KRI1: variants seen among roughly 807,000 people sequenced by gnomAD.
The protein encoded by KRI1 is KRI1 homolog, also known as protein KRI1 homolog.
In KRI1, 83 loss-of-function variants were observed where a neutral mutation model predicts 97.0. The observed-to-expected ratio is 0.86, with a 90% confidence interval of 0.72 to 1.03. The LOEUF (loss-of-function observed/expected upper bound fraction) is 1.03. KRI1 is among the 50% of genes least tolerant of loss of function. KRI1 has a pLI of 0.00. For missense variants in KRI1, 916 were observed against 928.4 expected (o/e 0.99, Z 0.17); for synonymous variants, 371 against 363.5 (o/e 1.02, Z -0.23).
intron 5 of KRI1, 37 bp from the exon 6 acceptor site, chr19:10,561,753 GC>G (rs1568423644): frequency 6.2e-7 from 1 of 1,613,932 alleles, no homozygotes; most frequent in South Asian, 1.1e-5. Flanking sequence ...CCAGCCCCAG[GC>G]CCCTCAGCCC....
intron 2 of KRI1, 39 bp from the exon 3 acceptor site, chr19:10,565,073 G>C (rs758817980): frequency 1.5e-6 from 2 of 1,304,474 alleles, no homozygotes; most frequent in East Asian, 2.3e-5. Context: ...TTTCAGAAGG[G>C]AGATAATAAG....
rs1224260714 is a variant in KRI1, at chr19:10,557,844, G to T, written c.1411C>A (p.Pro471Thr). Residue 471 changes from proline (P) to threonine (T), a missense_variant, in exon 15 of 19, where the codon CCC (proline) becomes ACC (threonine). Pro to Thr is a conservative substitution (Grantham distance 38). This residue lies in a region of KRI1 where 672 missense variants were observed against 667.2 expected (regional missense o/e 1.01). Coordinates refer to ENST00000312962, the MANE Select transcript of KRI1 (RefSeq NM_023008.5). ...SQPRKKKREA[P>T]LTGKKKRKSP... ...TTGCGCTTCTTCTTGCCCGTCAAGG[G>T]GGCCTCGCGCTTTTTCTTCCTCGGC... 5 of 1,613,400 alleles carry T rather than the reference G, an allele frequency of 3.1e-6. No homozygotes were observed. In the Admixed American group the frequency reaches 8.3e-5, roughly 27 times the overall value.
Position 10,553,283 on chromosome 19 carries a change from A to G in KRI1, c.*668T>C, listed in dbSNP as rs1044308071. On this transcript the variant is annotated 3_prime_UTR_variant, in exon 19 of 19. Transcript: ENST00000312962. ...GCGGGGCCCTCCTGGCAGGGTAGGG[A>G]AGGAGGACCCCGGGCACCCCCCTCA... 1.2e-5 allele frequency: 7 copies of G among 591,772 alleles called. No individual in the cohort carries two copies. Among genetic ancestry groups the G allele is most frequent in the African/African-American group, 9.2e-5 (5 of 54,072 alleles). The allele number at this position is 591,772 out of a possible 1,614,324, so 36.7% of individuals were successfully genotyped here. A position where few individuals can be genotyped will look rare whatever the true frequency, so the allele number is the denominator to read the frequency against.
chr19:10,562,881 T>C (rs1360919906), intron 3 of KRI1, 44 bp from the exon 4 acceptor site: 1 of 1,245,262 alleles, frequency 8.0e-7, no homozygotes. Flanking sequence ...ACAACCCCCT[T>C]CTTTGCCGTG....
Position 10,553,442 on chromosome 19 carries a change from G to C in KRI1, c.*509C>G, listed in dbSNP as rs968766194. On this transcript the variant is annotated 3_prime_UTR_variant, in exon 19 of 19. Coordinates refer to ENST00000312962, the MANE Select transcript of KRI1 (RefSeq NM_023008.5). ...GATCGTGGGTGTGGCTGGGCGCAGCGTTCTGAGGGGATGTGGGGTCTGGGA... is the reference window on the plus strand; with the variant it reads ...GATCGTGGGTGTGGCTGGGCGCAGCCTTCTGAGGGGATGTGGGGTCTGGGA... The C allele has an allele frequency of 9.4e-6, 2 of 212,674 alleles. No individual in the cohort carries two copies. Among genetic ancestry groups the C allele is most frequent in the African/African-American group, 4.6e-5 (2 of 43,752 alleles). 13.2% of individuals were successfully genotyped at this position (212,674 alleles called of 1,614,324 possible).
rs996180477 is a variant in KRI1, at chr19:10,553,452, G to C, written c.*499C>G. 1 of 205,858 alleles carries C rather than the reference G, an allele frequency of 4.9e-6. No individual in the cohort carries two copies. Among genetic ancestry groups the C allele is most frequent in the Non-Finnish European group, 9.8e-6 (1 of 102,110 alleles). The allele number at this position is 205,858 out of a possible 1,614,324, so 12.8% of individuals were successfully genotyped here. A position where few individuals can be genotyped will look rare whatever the true frequency, so the allele number is the denominator to read the frequency against. On this transcript the variant is annotated 3_prime_UTR_variant, in exon 19 of 19. Transcript: ENST00000312962. ...GTGGCTGGGCGCAGCGTTCTGAGGG[G>C]ATGTGGGGTCTGGGAGGTGTCTCGA...
At position 10,553,165 on chromosome 19, in the gene KRI1, C is replaced by T; in HGVS notation, c.*786G>A. The T allele has an allele frequency of 1.4e-6, 2 of 1,399,650 alleles. No homozygotes were observed. The highest frequency in any genetic ancestry group is 9.5e-7 in the Non-Finnish European group (1 of 1,054,550). The allele number at this position is 1,399,650 out of a possible 1,614,324, so 86.7% of individuals were successfully genotyped here. On this transcript the variant is annotated 3_prime_UTR_variant, in exon 19 of 19. Coordinates refer to ENST00000312962, the MANE Select transcript of KRI1 (RefSeq NM_023008.5). ...AGCTCTGGCAGTGATGATGGTACTT[C>T]CTGTTGTCAGCCCCTCAAGCCCAGC...
chr19:10,561,526 C>T, intron 6 of KRI1, 141 bp downstream of exon 6: 2 of 908,676 alleles, frequency 2.2e-6, no homozygotes, highest in Non-Finnish European at 3.6e-6. Flanking sequence ...CAGAGCAGTG[C>T]TGTGATGTTA....
In KRI1 at chr19:10,560,307, C is replaced by A; in HGVS notation, c.800+5G>T. The A allele has an allele frequency of 6.2e-7, 1 of 1,600,326 alleles. No individual in the cohort carries two copies. The highest frequency in any genetic ancestry group is 1.7e-5 in the Admixed American group (1 of 58,582). ...TCTAGGTCCTGGGGAGATGCAGTGG[C>A]TCACCCCTCCTCTTCCTCCATTTCC... is the stretch of plus-strand genomic sequence containing the variant. On this transcript the variant is annotated splice_donor_5th_base_variant and intron_variant, in intron 9 of 18. Coordinates refer to ENST00000312962, the MANE Select transcript of KRI1 (RefSeq NM_023008.5).
At chr19:10,554,416 G>T in intron 18 of KRI1, 135 bp from the exon 19 acceptor site, 1 of 736,066 alleles carries the variant, frequency 1.4e-6, no homozygotes. Context: ...GGCCTGCCTG[G>T]GATTCAGACC....
chr19:10,557,518 C>T, intron 16 of KRI1, 34 bp downstream of exon 16: 1 of 1,604,710 alleles, frequency 6.2e-7, no homozygotes. Flanking sequence ...ACCTGGTGCC[C>T]CCTGCAGTGT....
At position 10,557,557 on chromosome 19, in the gene KRI1, C is replaced by G. The variant is rs1916539968; in HGVS notation, c.1612G>C (p.Glu538Gln). The G allele has an allele frequency of 6.2e-7, 1 of 1,613,664 alleles. No homozygotes were observed. Among genetic ancestry groups the G allele is most frequent in the Admixed American group, 1.7e-5 (1 of 59,994 alleles). Residue 538 changes from glutamate (E) to glutamine (Q), a missense_variant, in exon 16 of 19, where the codon GAG (glutamate) becomes CAG (glutamine). By Grantham distance (29) the Glu-to-Gln change is conservative. Around this residue, in one of 3 missense-constraint regions of KRI1, gnomAD observed 672 missense variants for 667.2 expected, o/e 1.01. Coordinates refer to ENST00000312962, the MANE Select transcript of KRI1 (RefSeq NM_023008.5). Reference sequence around the variant, plus strand: ...TGCCTGCCCGGGGCCCCTACCTCCTCAGTGCTGAGGCCAAAGTCACAGGGC... The same window carrying G: ...TGCCTGCCCGGGGCCCCTACCTCCTGAGTGCTGAGGCCAAAGTCACAGGGC... The part of the protein sequence containing the change: ...VVPCDFGLST[E>Q]EILAADDKEL...
In KRI1 at chr19:10,557,836, C is replaced by T. The variant is rs1303572797; in HGVS notation, c.1419G>A (p.Thr473=). ...PRKKKREAPL[T]GKKKRKSPFA... ...AGGGCGACTTGCGCTTCTTCTTGCC[C>T]GTCAAGGGGGCCTCGCGCTTTTTCT... Residue 473 remains threonine (T), a synonymous_variant, in exon 15 of 19, where the codon ACG becomes ACA. Transcript: ENST00000312962. The T allele has an allele frequency of 3.7e-6, 6 of 1,613,428 alleles. No homozygotes were observed. Among genetic ancestry groups the T allele is most frequent in the Non-Finnish European group, 5.1e-6 (6 of 1,179,976 alleles).
At chr19:10,555,912 T>C (rs1164531214) in intron 16 of KRI1, among the ~76,000 whole-genome samples, 1 of 152,208 alleles carries the variant, frequency 6.6e-6, no homozygotes, top group Non-Finnish European at 1.5e-5. Flanking sequence ...TGGTCTCATT[T>C]CTGTTCCTTC....
chr19:10,558,838 A>T (rs1916602327), intron 12 of KRI1, among the ~76,000 whole-genome samples: 1 of 147,966 alleles, frequency 6.8e-6, no homozygotes, highest in Non-Finnish European at 1.5e-5. Context: ...CCGAGTAGCT[A>T]GGATTAGAGG....
Position 10,553,165 on chromosome 19 carries a change from C to A in KRI1, c.*786G>T. On this transcript the variant is annotated 3_prime_UTR_variant, in exon 19 of 19. Transcript: ENST00000312962. ...AGCTCTGGCAGTGATGATGGTACTT[C>A]CTGTTGTCAGCCCCTCAAGCCCAGC... The A allele has an allele frequency of 7.1e-7, 1 of 1,399,650 alleles. No individual in the cohort carries two copies. The highest frequency in any genetic ancestry group is 1.4e-5 in the South Asian group (1 of 70,796). The allele number at this position is 1,399,650 out of a possible 1,614,324, so 86.7% of individuals were successfully genotyped here.
chr19:10,559,345 G>A lies in KRI1; in HGVS notation c.1194+14C>T, dbSNP rs1431935436. On this transcript the variant is annotated intron_variant, in intron 12 of 18. Transcript: ENST00000312962. The stretch of plus-strand genomic sequence containing the variant: ...TGAACTCAGCGTCATGTTGGGCCGG[G>A]ATGAGGGCCGCACCTGCATGAGCTG... 2.5e-6 allele frequency: 4 copies of A among 1,609,800 alleles called. No individual in the cohort carries two copies. Among genetic ancestry groups the A allele is most frequent in the Non-Finnish European group, 3.4e-6 (4 of 1,177,002 alleles).
In KRI1 at chr19:10,554,231, C is replaced by G. The variant is rs952887902; in HGVS notation, c.1832G>C (p.Gly611Ala). 8 of 1,613,926 alleles carry G rather than the reference C, an allele frequency of 5.0e-6. No homozygotes were observed. In the African/African-American group the frequency reaches 9.3e-5, roughly 19 times the overall value. ...AAGGGCTGGCAGCTGCCTCTGTGGG[C>G]CGGCTTCATCTCTCTGTGGCTTCCC... ...ATGKPQRDEA[G>A]PQRQLPALDG... is the part of the protein sequence containing the mutation. The change falls in exon 19 of 19, where the codon GGC becomes GCC. Residue 611 changes from glycine to alanine, a missense_variant. By Grantham distance (60) the Gly-to-Ala change is moderately conservative. Coordinates refer to ENST00000312962, the MANE Select transcript of KRI1 (RefSeq NM_023008.5).
rs376447576 is a variant in KRI1 at position 10,558,249 on chromosome 19, C to G, written c.1195-10G>C. On this transcript the variant is annotated splice_polypyrimidine_tract_variant and intron_variant, in intron 12 of 18. Coordinates refer to ENST00000312962, the MANE Select transcript of KRI1 (RefSeq NM_023008.5). ...CGTCCCCAAAGCACTTCTGCAGGGT[C>G]AGGGCTGGCGGTTACCAGAGCCCAC... The G allele has an allele frequency of 1.9e-6, 3 of 1,613,862 alleles. No individual in the cohort carries two copies. The South Asian group carries it at 3.3e-5, about 18-fold the overall frequency.
Sources: allele counts gnomAD v4.1 joint callset (sites outside exome capture counted in the v4.1 genomes callset), GRCh38; gene constraint gnomAD v4.1.1; regional missense constraint gnomAD v4.1.1; transcripts MANE v1.5; gene names NCBI Gene and HGNC (gene_info 2026-07-23, HGNC 2026-07-21).